The following AFDN variants were observed in gnomAD, a reference collection of about 807,000 sequenced individuals.
AFDN encodes the protein afadin, adherens junction formation factor.
In AFDN, 68 loss-of-function variants were observed where a neutral mutation model predicts 216.6. The ratio of observed to expected loss-of-function variants is 0.31; its 90% CI spans 0.26 to 0.38. AFDN has a LOEUF of 0.38. AFDN is among the 10% of genes least tolerant of loss of function. The pLI, the probability that AFDN is intolerant of heterozygous loss-of-function variation, is 1.00. For missense variants in AFDN, 2,136 were observed against 2,342.0 expected (o/e 0.91, Z 1.82); for synonymous variants, 868 against 853.7 (o/e 1.02, Z -0.29).
intron 26 of AFDN, among the ~76,000 whole-genome samples, chr6:167,946,252 T>C (rs550103692): frequency 1.9e-4 from 29 of 152,306 alleles, no homozygotes; most frequent in African/African-American, 7.0e-4. Flanking sequence ...TAGTAGATGA[T>C]AAACCAGGGT....
intron 20 of AFDN, among the ~76,000 whole-genome samples, chr6:167,917,594 T>C (rs2128480108): frequency 6.6e-6 from 1 of 152,344 alleles, no homozygotes; most frequent in South Asian, 2.1e-4. Context: ...GAGAGGCTTG[T>C]CCCTTCTCAT....
chr6:167,957,312 T>C (rs1234972288), intron 30 of AFDN, among the ~76,000 whole-genome samples: 1 of 152,236 alleles, frequency 6.6e-6, no homozygotes, highest in Non-Finnish European at 1.5e-5. Flanking sequence ...CATGTTTGTC[T>C]CTTCTGGGTA....
At chr6:167,840,251 G>C (rs536207040) in intron 1 of AFDN, among the ~76,000 whole-genome samples, 1 of 152,298 alleles carries the variant, frequency 6.6e-6, no homozygotes, top group East Asian at 1.9e-4. Context: ...ATTCAATTTG[G>C]TTGAATCTGT....
intron 8 of AFDN, among the ~76,000 whole-genome samples, chr6:167,891,978 T>C (rs1787672870): frequency 6.6e-6 from 1 of 152,216 alleles, no homozygotes; most frequent in Admixed American, 6.5e-5. Context: ...CTTTGATTTT[T>C]GAGAGTTTAT....
Position 167,962,936 on chromosome 6 carries a change from G to T in AFDN, c.4968+369G>T. The T allele has an allele frequency of 8.9e-7, 1 of 1,129,546 alleles. No individual in the cohort carries two copies. The highest frequency in any genetic ancestry group is 3.7e-5 in the South Asian group (1 of 27,088). 70.0% of individuals were successfully genotyped at this position (1,129,546 alleles called of 1,614,324 possible). On this transcript the variant is annotated intron_variant, in intron 31 of 33. Coordinates refer to ENST00000683244, the MANE Select transcript of AFDN (RefSeq NM_001386888.1). This position sits in a 1 kb window ranked among gnomAD's most constrained non-coding sequence, Gnocchi z 5.2. The stretch of plus-strand genomic sequence containing the variant: ...GGTTCAGTGATTGCTTAAATGGCAT[G>T]TGGACCGTGGGAAGCAGTAGGAGCG...
intron 1 of AFDN, among the ~76,000 whole-genome samples, chr6:167,831,829 T>G (rs1779861985): frequency 6.6e-6 from 1 of 152,242 alleles, no homozygotes; most frequent in Admixed American, 6.5e-5. Flanking sequence ...TGTTGGTTAA[T>G]CTGGTAGCAT....
chr6:167,942,144 G>A (rs1251408280), intron 23 of AFDN, among the ~76,000 whole-genome samples: 2 of 152,108 alleles, frequency 1.3e-5, no homozygotes, highest in Non-Finnish European at 2.9e-5. Context: ...GTGCTGGCCA[G>A]TCAGGCTGTC....
chr6:167,896,737 A>C, intron 9 of AFDN, 141 bp from the exon 10 acceptor site: 1 of 561,200 alleles, frequency 1.8e-6, no homozygotes, highest in Non-Finnish European at 3.2e-6. Context: ...AAATTGTGTT[A>C]CATAAGTTTG....
At chr6:167,887,102 A>G (rs191761436) in intron 6 of AFDN, among the ~76,000 whole-genome samples, 43 of 151,672 alleles carry the variant, frequency 2.8e-4, no homozygotes, top group African/African-American at 1.0e-3. Context: ...TGATGTTGAT[A>G]AGTGTATATA....
At chr6:167,931,798 C>T (rs1481154941) in intron 23 of AFDN, among the ~76,000 whole-genome samples, 1 of 152,102 alleles carries the variant, frequency 6.6e-6, no homozygotes, top group Non-Finnish European at 1.5e-5. Context: ...TCACCGTTAG[C>T]CCTGCCCTGC....
intron 1 of AFDN, among the ~76,000 whole-genome samples, chr6:167,854,243 T>C (rs1390047982): frequency 6.7e-6 from 1 of 149,960 alleles, no homozygotes; most frequent in East Asian, 1.9e-4. Context: ...CTACTTTGTA[T>C]GCTGCCTGAA....
At chr6:167,844,521 T>G (rs1004810259) in intron 1 of AFDN, among the ~76,000 whole-genome samples, 1 of 152,188 alleles carries the variant, frequency 6.6e-6, no homozygotes, top group Non-Finnish European at 1.5e-5. Context: ...TTTGACTGTT[T>G]CCACAGTACA....
chr6:167,895,681 G>A (rs562504210), intron 9 of AFDN, among the ~76,000 whole-genome samples: 13 of 152,196 alleles, frequency 8.5e-5, no homozygotes, highest in South Asian at 4.2e-4. Context: ...AGAGTTTAGC[G>A]GTACCACTGC....
Position 167,833,247 on chromosome 6 carries a change from A to G in AFDN, c.105+6010A>G, listed in dbSNP as rs143316536. Reference sequence around the variant, plus strand: ...CTCTAGTCTAGCTCTGCCACTGACTATAGTAACAACAGCAGGATAGGTTGT... The same window carrying G: ...CTCTAGTCTAGCTCTGCCACTGACTGTAGTAACAACAGCAGGATAGGTTGT... On this transcript the variant is annotated intron_variant, in intron 1 of 33. Transcript: ENST00000683244. Among the ~76,000 whole-genome samples the G allele has an allele frequency of 8.9e-3, 1,363 of 152,334 alleles. 14 individuals carry two copies. The highest frequency in any genetic ancestry group is 0.031 in the African/African-American group (1,290 of 41,566).
chr6:167,846,447 A>AT (rs1209277537), intron 1 of AFDN, among the ~76,000 whole-genome samples: 2 of 152,066 alleles, frequency 1.3e-5, no homozygotes, highest in East Asian at 3.9e-4. Flanking sequence ...TTGGGGATAA[A>AT]TGAACATAAA....
chr6:167,864,199 A>C, intron 1 of AFDN: 2 of 497,266 alleles, frequency 4.0e-6, no homozygotes, highest in South Asian at 2.9e-5. Context: ...CTAGATCTTG[A>C]AATAGGGTTA....
At chr6:167,870,264 C>T in intron 2 of AFDN, 122 bp from the exon 3 acceptor site, 1 of 604,636 alleles carries the variant, frequency 1.7e-6, no homozygotes, top group South Asian at 2.6e-5. Flanking sequence ...TTGAACAATA[C>T]ATTTCAGTCT....
intron 1 of AFDN, among the ~76,000 whole-genome samples, chr6:167,851,093 A>G (rs138595431): frequency 0.01 from 1,573 of 152,292 alleles, 33 homozygotes; most frequent in African/African-American, 0.036. Flanking sequence ...TTTCAACAAT[A>G]GAATTTGAAA....
Position 167,911,167 on chromosome 6 carries a change from G to A in AFDN, c.1831+5G>A. ...GCATTGAATTCAGGGAAAGTTGTGA[G>A]TAATTTCAGATTTCATTGTCAATGA... On this transcript the variant is annotated splice_donor_5th_base_variant and intron_variant, in intron 14 of 33. Transcript: ENST00000683244. The A allele has an allele frequency of 1.9e-6, 3 of 1,613,242 alleles. No individual in the cohort carries two copies. The highest frequency in any genetic ancestry group is 2.5e-6 in the Non-Finnish European group (3 of 1,179,364).
Sources: allele counts gnomAD v4.1 joint callset (sites outside exome capture counted in the v4.1 genomes callset), GRCh38; gene constraint gnomAD v4.1.1; non-coding constraint Gnocchi (gnomAD v3.1); transcripts MANE v1.5; gene names NCBI Gene and HGNC (gene_info 2026-07-23, HGNC 2026-07-21).